BIRC6: variants seen among roughly 807,000 people sequenced by gnomAD.
BIRC6 encodes dual E2 ubiquitin-conjugating enzyme/E3 ubiquitin-protein ligase BIRC6.
In BIRC6, 98 loss-of-function variants were observed where a neutral mutation model predicts 503.3. That is an observed-to-expected ratio of 0.19 (90% CI 0.17 to 0.23). The LOEUF (loss-of-function observed/expected upper bound fraction) is 0.23, where lower values mean the gene tolerates loss of function less well. Ranked by LOEUF, BIRC6 falls within the 10% of genes least tolerant of loss-of-function variation. The probability of loss-of-function intolerance (pLI) is 1.00; values close to 1 mark genes in which losing one functional copy is unlikely to be tolerated. For synonymous variants in BIRC6, 2,240 were observed against 2,078.7 expected (o/e 1.08, Z -2.11); for missense variants, 5,360 against 5,806.0 (o/e 0.92, Z 2.50).
At chr2:32,416,802 C>G (rs368827437) in intron 10 of BIRC6, among the ~76,000 whole-genome samples, 1 of 139,898 alleles carries the variant, frequency 7.1e-6, no homozygotes, top group African/African-American at 2.7e-5. Context: ...TTCTTTCCCC[C>G]CTCCCCTTTC....
chr2:32,358,324 G>A (rs762315745), intron 1 of BIRC6, among the ~76,000 whole-genome samples: 1 of 152,162 alleles, frequency 6.6e-6, no homozygotes, highest in Non-Finnish European at 1.5e-5. Context: ...CTCACCATTG[G>A]AGGAGAGCAC....
At chr2:32,555,076 A>T (rs2058682394) in intron 65 of BIRC6, among the ~76,000 whole-genome samples, 1 of 152,188 alleles carries the variant, frequency 6.6e-6, no homozygotes, top group Non-Finnish European at 1.5e-5. Flanking sequence ...TATTTTGTTG[A>T]TATACACTGC....
rs115105995 is a variant in BIRC6, at chr2:32,357,931, G to A, written c.325+445G>A. Among the ~76,000 whole-genome samples, 4,700 of 152,104 alleles carry A rather than the reference G, an allele frequency of 0.031. 155 individuals are homozygous for A. The highest frequency in any genetic ancestry group is 0.075 in the African/African-American group (3,111 of 41,490). ...GCGAGGGGCGGGGAGCGTCTGAGCC[G>A]GCAACCAAGCCCTCCCTTGTGGGAG... On this transcript the variant is annotated intron_variant, in intron 1 of 73. Transcript: ENST00000421745. The surrounding 1 kb of genome is among the most constrained non-coding windows in gnomAD (Gnocchi z 4.9).
Position 32,443,463 on chromosome 2 carries a change from A to G in BIRC6, c.4239-28A>G, listed in dbSNP as rs574014516. 7.6e-5 allele frequency: 115 copies of G among 1,503,598 alleles called. No homozygotes were observed. In the Admixed American group the frequency reaches 7.7e-4, roughly 10 times the overall value. The allele number at this position is 1,503,598 out of a possible 1,614,324, so 93.1% of individuals were successfully genotyped here. Reference sequence around the variant, plus strand: ...AATTTAGACCTTGAGTAATGTCTTTACAATTTTTCTTTTTAAAAATTTTTC... The same window carrying G: ...AATTTAGACCTTGAGTAATGTCTTTGCAATTTTTCTTTTTAAAAATTTTTC... On this transcript the variant is annotated intron_variant, in intron 19 of 73. Transcript: ENST00000421745.
intron 21 of BIRC6, among the ~76,000 whole-genome samples, 179 bp from the exon 22 acceptor site, chr2:32,448,616 G>C (rs748019751): frequency 6.6e-6 from 1 of 151,892 alleles, no homozygotes; most frequent in Non-Finnish European, 1.5e-5. Flanking sequence ...GTCCAGCTTC[G>C]GCTCGGCATC....
At chr2:32,542,616 G>C (rs2057757124) in intron 61 of BIRC6, among the ~76,000 whole-genome samples, 1 of 152,024 alleles carries the variant, frequency 6.6e-6, no homozygotes, top group African/African-American at 2.4e-5. Flanking sequence ...ATTGTTTCAG[G>C]CACAATTATA....
intron 20 of BIRC6, among the ~76,000 whole-genome samples, chr2:32,444,031 G>GTTTTTTTTTTTTTTTTTT (rs776568064): frequency 2.0e-4 from 27 of 136,872 alleles, no homozygotes; most frequent in African/African-American, 7.2e-4. Flanking sequence ...GGGACCAGTG[G>GTTTTTTTTTTTTTTTTTT]TTTTTTTTTT....
rs530516718 is a variant in BIRC6 at position 32,583,865 on chromosome 2, G to T, written c.13355+8499G>T. Reference sequence around the variant, plus strand: ...TCTACCTCAGCCTCCCAAGTAACTGGAACTACAGGCTCCCGCCACCACGCC... The same window carrying T: ...TCTACCTCAGCCTCCCAAGTAACTGTAACTACAGGCTCCCGCCACCACGCC... On this transcript the variant is annotated intron_variant, in intron 66 of 73. Coordinates refer to ENST00000421745, the MANE Select transcript of BIRC6 (RefSeq NM_016252.4). 5.9e-5 allele frequency among the ~76,000 whole-genome samples: 9 copies of T among 152,210 alleles called. No individual in the cohort carries two copies. The South Asian group carries it at 1.7e-3, about 28-fold the overall frequency.
chr2:32,605,263 G>T (rs1188640424), intron 71 of BIRC6, among the ~76,000 whole-genome samples: 1 of 152,098 alleles, frequency 6.6e-6, no homozygotes, highest in Non-Finnish European at 1.5e-5. Flanking sequence ...AATATTTTAT[G>T]CTTCCTTTAG....
rs772587124 is a variant in BIRC6 at position 32,499,549 on chromosome 2, G to A, written c.8471G>A (p.Gly2824Asp). The change falls in exon 46 of 74, where the codon GGT (glycine) becomes GAT (aspartate). Residue 2824 changes from glycine to aspartate, a missense_variant and splice_region_variant. Transcript: ENST00000421745. ...TCTCTCTCTCTCTCTCTCTGCAGGG[G>A]TGCTTTCCAGACAGGCCAAGGACCT... ...KLIHILSTER[G>D]AFQTGQGPLD... 1.3e-6 allele frequency: 2 copies of A among 1,597,698 alleles called. No individual in the cohort carries two copies. Among genetic ancestry groups the A allele is most frequent in the Non-Finnish European group, 1.7e-6 (2 of 1,172,062 alleles).
chr2:32,579,585 A>T (rs1250590145), intron 66 of BIRC6, among the ~76,000 whole-genome samples: 3 of 152,078 alleles, frequency 2.0e-5, no homozygotes, highest in Non-Finnish European at 4.4e-5. Context: ...GCTGCTCAGG[A>T]GGTTGAGGTG....
chr2:32,403,721 T>G (rs2040855010), intron 8 of BIRC6, among the ~76,000 whole-genome samples: 1 of 152,206 alleles, frequency 6.6e-6, no homozygotes, highest in African/African-American at 2.4e-5. Flanking sequence ...ATATTTATTT[T>G]GCATGTTTAT....
rs368929510 is a variant in BIRC6, at chr2:32,508,263, T to A, written c.9980+4T>A. The A allele has an allele frequency of 1.3e-6, 2 of 1,504,652 alleles. No homozygotes were observed. The highest frequency in any genetic ancestry group is 2.4e-5 in the East Asian group (1 of 41,178). 93.2% of individuals were successfully genotyped at this position (1,504,652 alleles called of 1,614,324 possible). A position where few individuals can be genotyped will look rare whatever the true frequency, so the allele number is the denominator to read the frequency against. ...AAGATCAGGTATCCAAAACAAGGTA[T>A]GTTTTGTTTGTCCTTTTTTTTTTTT... On this transcript the variant is annotated splice_donor_region_variant and intron_variant, in intron 51 of 73. Coordinates refer to ENST00000421745, the MANE Select transcript of BIRC6 (RefSeq NM_016252.4).
rs758559330 is a variant in BIRC6 at position 32,617,829 on chromosome 2, T to G, written c.14499T>G (p.Gly4833=). The change falls in exon 74 of 74, where the codon GGT becomes GGG. Residue 4833 remains glycine, a synonymous_variant. Transcript: ENST00000421745. ...DAPEVCRATT[G]AEETLMHDQV... ...CAGAGGTGTGCAGAGCCACAACAGGTGCTGAGGAGACTCTAATGCATGATC... is the reference window on the plus strand; with the variant it reads ...CAGAGGTGTGCAGAGCCACAACAGGGGCTGAGGAGACTCTAATGCATGATC... 4.7e-5 allele frequency: 76 copies of G among 1,613,816 alleles called. No homozygotes were observed. The highest frequency in any genetic ancestry group is 5.9e-5 in the Non-Finnish European group (70 of 1,179,868).
chr2:32,485,169 C>T (rs974426947), intron 39 of BIRC6, among the ~76,000 whole-genome samples: 2 of 152,128 alleles, frequency 1.3e-5, no homozygotes, highest in Non-Finnish European at 2.9e-5. Flanking sequence ...TTCATTTCCT[C>T]GTGGTGGACA....
At chr2:32,390,459 T>C (rs935996290) in intron 4 of BIRC6, among the ~76,000 whole-genome samples, 1 of 152,058 alleles carries the variant, frequency 6.6e-6, no homozygotes, top group Non-Finnish European at 1.5e-5. Flanking sequence ...CGTGAGCCAC[T>C]GCACCCGGCA....
Position 32,414,913 on chromosome 2 carries a change from A to G in BIRC6, c.1622A>G (p.Asn541Ser). ...AAGGATCTTGAAGAACTTGGGGCAA[A>G]TCCTTGTTTAACAAACTCTAAGAGT... ...TVKDLEELGANPCLTNSKSEK... is the reference protein window; with the variant it reads ...TVKDLEELGASPCLTNSKSEK... The change falls in exon 10 of 74, where the codon AAT becomes AGT. Residue 541 changes from asparagine (N) to serine (S), a missense_variant. Asn to Ser is a conservative substitution (Grantham distance 46). Around this residue, in one of 16 missense-constraint regions of BIRC6, gnomAD observed 700 missense variants for 739.3 expected, o/e 0.95. Transcript: ENST00000421745. The G allele has an allele frequency of 6.2e-7, 1 of 1,614,014 alleles. No homozygotes were observed. Among genetic ancestry groups the G allele is most frequent in the Non-Finnish European group, 8.5e-7 (1 of 1,179,884 alleles).
chr2:32,539,071 TTAA>T (rs1277297109), intron 61 of BIRC6, among the ~76,000 whole-genome samples: 1 of 152,202 alleles, frequency 6.6e-6, no homozygotes, highest in Non-Finnish European at 1.5e-5. Flanking sequence ...CCCCTATTTT[TTAA>T]TGTATCACAA....
In BIRC6 at chr2:32,495,081, T is replaced by C. The variant is rs183876728; in HGVS notation, c.8468+1414T>C. Among the ~76,000 whole-genome samples, 32 of 152,376 alleles carry C rather than the reference T, an allele frequency of 2.1e-4. No homozygotes were observed. The East Asian group carries it at 4.8e-3, about 23-fold the overall frequency. On this transcript the variant is annotated intron_variant, in intron 45 of 73. Coordinates refer to ENST00000421745, the MANE Select transcript of BIRC6 (RefSeq NM_016252.4). ...AATAAAGATTAGTCATCATTTGTTTTATTTTTCTTTTAACTAGGCTTTTTA... is the reference window on the plus strand; with the variant it reads ...AATAAAGATTAGTCATCATTTGTTTCATTTTTCTTTTAACTAGGCTTTTTA...
Sources: gnomAD v4.1 joint callset for allele counts (sites outside exome capture counted in the v4.1 genomes callset) on GRCh38, gnomAD v4.1.1 for gene constraint, gnomAD v4.1.1 regional missense constraint, Gnocchi (gnomAD v3.1) non-coding constraint, MANE v1.5 for transcripts, NCBI Gene and HGNC (gene_info 2026-07-23, HGNC 2026-07-21) for gene names.